The following SMOC2 variants were observed in gnomAD, a reference collection of about 807,000 sequenced individuals.
SMOC2 encodes the protein SPARC-related modular calcium-binding protein 2.
In SMOC2, 39 loss-of-function variants were observed where a neutral mutation model predicts 61.4. The observed-to-expected ratio is 0.64, with a 90% CI of 0.49 to 0.83. The LOEUF is 0.83. SMOC2 is among the 40% of genes least tolerant of loss of function. The probability of loss-of-function intolerance (pLI) is 0.00; values close to 1 mark genes in which losing one functional copy is unlikely to be tolerated. For missense variants in SMOC2, 556 were observed against 592.9 expected (o/e 0.94, Z 0.65); for synonymous variants, 247 against 239.9 (o/e 1.03, Z -0.27).
At chr6:168,639,077 T>C (rs1017206084) in intron 9 of SMOC2, among the ~76,000 whole-genome samples, 1 of 152,192 alleles carries the variant, frequency 6.6e-6, no homozygotes, top group Non-Finnish European at 1.5e-5. Flanking sequence ...ACAGGCTTGG[T>C]TCCGACATCC....
intron 1 of SMOC2, among the ~76,000 whole-genome samples, chr6:168,462,994 C>G (rs549757124): frequency 1.3e-5 from 2 of 152,240 alleles, no homozygotes; most frequent in African/African-American, 4.8e-5. Context: ...TAAAACTCTC[C>G]CAATAGGAAG....
intron 11 of SMOC2, among the ~76,000 whole-genome samples, chr6:168,655,753 G>A (rs1787305945): frequency 6.6e-6 from 1 of 151,762 alleles, no homozygotes; most frequent in Admixed American, 6.6e-5. Context: ...TCCCCTGCAT[G>A]TGTGTGCTAA....
At chr6:168,656,521 AAAAAAAAAAG>A (rs1787326840) in intron 11 of SMOC2, among the ~76,000 whole-genome samples, 3 of 144,526 alleles carry the variant, frequency 2.1e-5, no homozygotes, top group Non-Finnish European at 3.0e-5. Flanking sequence ...AAAAAAAAAA[AAAAAAAAAAG>A]AAAAGAAAAG....
chr6:168,479,691 C>T (rs73271002), intron 1 of SMOC2, among the ~76,000 whole-genome samples: 3 of 152,162 alleles, frequency 2.0e-5, no homozygotes, highest in East Asian at 1.9e-4. Flanking sequence ...AATCAGAGTG[C>T]GGAGAAAGAC....
chr6:168,641,195 G>A (rs183377552), intron 9 of SMOC2, among the ~76,000 whole-genome samples: 4 of 152,204 alleles, frequency 2.6e-5, no homozygotes, highest in Non-Finnish European at 5.9e-5. Context: ...TGATTGCACA[G>A]AACACCTCCT....
intron 11 of SMOC2, among the ~76,000 whole-genome samples, chr6:168,656,267 T>C (rs1350430011): frequency 6.6e-6 from 1 of 152,056 alleles, no homozygotes; most frequent in Non-Finnish European, 1.5e-5. Flanking sequence ...TCCCAGCACT[T>C]TGGGAGGCTG....
chr6:168,648,493 C>T (rs1454469469), intron 9 of SMOC2, among the ~76,000 whole-genome samples: 1 of 152,214 alleles, frequency 6.6e-6, no homozygotes. Context: ...CGGGAGGCCC[C>T]TCCCAGGGAG....
chr6:168,524,348 G>A (rs1227597193), intron 2 of SMOC2, among the ~76,000 whole-genome samples: 1 of 152,146 alleles, frequency 6.6e-6, no homozygotes, highest in Non-Finnish European at 1.5e-5. Flanking sequence ...AGTCTTAATT[G>A]TTTCCTATGA....
chr6:168,581,449 A>C (rs895940100), intron 7 of SMOC2, among the ~76,000 whole-genome samples: 2 of 152,202 alleles, frequency 1.3e-5, no homozygotes, highest in Non-Finnish European at 2.9e-5. Context: ...ACCTGCAGCC[A>C]AGCACCTGCC....
chr6:168,590,399 G>A (rs1164251154), intron 7 of SMOC2, among the ~76,000 whole-genome samples: 5 of 130,846 alleles, frequency 3.8e-5, no homozygotes, highest in African/African-American at 1.4e-4. Context: ...GTCAGGTGTG[G>A]CATGAGTTTA....
At chr6:168,448,229 G>A (rs2114990714) in intron 1 of SMOC2, among the ~76,000 whole-genome samples, 1 of 151,414 alleles carries the variant, frequency 6.6e-6, no homozygotes, top group Middle Eastern at 3.4e-3. Context: ...AAGCAACATT[G>A]TGCTGGACTT....
intron 4 of SMOC2, among the ~76,000 whole-genome samples, chr6:168,538,311 C>A (rs34527645): frequency 0.18 from 17,708 of 100,098 alleles, 1,507 homozygotes; most frequent in Non-Finnish European, 0.26. Context: ...GTGACCCCTG[C>A]TGGAATGTGG....
At chr6:168,664,445 G>C (rs9364270) in intron 12 of SMOC2, 24 of 407,998 alleles carry the variant, frequency 5.9e-5, no homozygotes, top group Middle Eastern at 7.3e-4. Flanking sequence ...ATGTTGCCCA[G>C]GCTAGTTTCG....
At chr6:168,481,268 A>G (rs1442902480) in intron 1 of SMOC2, among the ~76,000 whole-genome samples, 1 of 152,142 alleles carries the variant, frequency 6.6e-6, no homozygotes, top group Non-Finnish European at 1.5e-5. Flanking sequence ...TTATTACTTA[A>G]TGCTTCGATG....
chr6:168,455,752 TAG>T (rs1190125213), intron 1 of SMOC2, among the ~76,000 whole-genome samples: 2 of 152,182 alleles, frequency 1.3e-5, no homozygotes, highest in African/African-American at 4.8e-5. Context: ...ACCTTGAACT[TAG>T]AGGAAGACCT....
At chr6:168,652,828 C>T in intron 10 of SMOC2, 126 bp from the exon 11 acceptor site, 1 of 777,030 alleles carries the variant, frequency 1.3e-6, no homozygotes, top group Non-Finnish European at 2.1e-6. Context: ...ATGACCAGTG[C>T]TGCAGGCTGA....
At chr6:168,645,167 G>A (rs1381370183) in intron 9 of SMOC2, among the ~76,000 whole-genome samples, 1 of 152,166 alleles carries the variant, frequency 6.6e-6, no homozygotes, top group Non-Finnish European at 1.5e-5. Context: ...ACAGATTTCT[G>A]GAGAAGGAGA....
intron 9 of SMOC2, among the ~76,000 whole-genome samples, chr6:168,608,452 G>A (rs1039784208): frequency 3.9e-5 from 6 of 152,210 alleles, no homozygotes; most frequent in Admixed American, 2.6e-4. Context: ...CTTCCTCCCT[G>A]CTGCTGTGTA....
Position 168,583,871 on chromosome 6 carries a change from G to A in SMOC2, c.638-14947G>A, listed in dbSNP as rs137863607. 2.4e-3 allele frequency among the ~76,000 whole-genome samples: 365 copies of A among 152,150 alleles called. 2 individuals are homozygous for A. Among genetic ancestry groups the A allele is most frequent in the African/African-American group, 8.4e-3 (350 of 41,564 alleles). On this transcript the variant is annotated intron_variant, in intron 7 of 12. Coordinates refer to ENST00000356284, the MANE Select transcript of SMOC2 (RefSeq NM_001166412.2). Reference sequence around the variant, plus strand: ...GAGTGGGACAAACTGAAGAAGGGAGGAGGGCAGAGGAGGGCAGAGGAGGGC... The same window carrying A: ...GAGTGGGACAAACTGAAGAAGGGAGAAGGGCAGAGGAGGGCAGAGGAGGGC...
Sources: allele counts gnomAD v4.1 joint callset (sites outside exome capture counted in the v4.1 genomes callset), GRCh38; gene constraint gnomAD v4.1.1; transcripts MANE v1.5; gene names NCBI Gene and HGNC (gene_info 2026-07-23, HGNC 2026-07-21).